Variants in CTNNA2 observed in about 807,000 individuals in gnomAD.
The protein encoded by CTNNA2 is catenin alpha-2.
In CTNNA2, 42 loss-of-function variants were observed where a neutral mutation model predicts 101.0. The ratio of observed to expected loss-of-function variants is 0.42; its 90% CI spans 0.32 to 0.54. CTNNA2 has a LOEUF of 0.54. Among genes scored for constraint, CTNNA2 ranks in the 20% least tolerant of loss-of-function variants. The probability of loss-of-function intolerance (pLI) is 0.14; values close to 1 mark genes in which losing one functional copy is unlikely to be tolerated. For synonymous variants in CTNNA2, 450 were observed against 456.4 expected (o/e 0.99, Z 0.18); for missense variants, 871 against 1,223.1 (o/e 0.71, Z 4.29).
At chr2:80,398,819 A>G (rs531158967) in intron 8 of CTNNA2, among the ~76,000 whole-genome samples, 1 of 149,446 alleles carries the variant, frequency 6.7e-6, no homozygotes, top group African/African-American at 2.4e-5. Flanking sequence ...GTGAGTTGAG[A>G]TCACACCCCT....
intron 7 of CTNNA2, among the ~76,000 whole-genome samples, chr2:80,380,028 C>CA (rs1676349144): frequency 2.3e-5 from 2 of 86,524 alleles, no homozygotes; most frequent in African/African-American, 5.8e-5. Context: ...TCGAGATGTA[C>CA]TTTTTTTTTT....
At chr2:79,969,496 TAAAG>T (rs577460971) in intron 7 of CTNNA2, among the ~76,000 whole-genome samples, 90 of 152,308 alleles carry the variant, frequency 5.9e-4, no homozygotes, top group Non-Finnish European at 1.1e-3. Flanking sequence ...AGGTCAGAAA[TAAAG>T]AAATTACAGG....
chr2:80,117,925 C>G (rs1701616468), intron 7 of CTNNA2, among the ~76,000 whole-genome samples: 1 of 152,086 alleles, frequency 6.6e-6, no homozygotes, highest in African/African-American at 2.4e-5. Flanking sequence ...TAACAATAAC[C>G]TTATGAGGTG....
intron 7 of CTNNA2, among the ~76,000 whole-genome samples, chr2:80,217,451 A>G (rs1459570793): frequency 1.3e-5 from 2 of 152,074 alleles, no homozygotes; most frequent in Non-Finnish European, 2.9e-5. Flanking sequence ...TGTTACCTTT[A>G]AAATGGGCCT....
At chr2:79,682,864 C>A (rs1683677124) in intron 2 of CTNNA2, among the ~76,000 whole-genome samples, 1 of 152,030 alleles carries the variant, frequency 6.6e-6, no homozygotes, top group Middle Eastern at 3.2e-3. Flanking sequence ...AATAAAAAAC[C>A]AAGTTGTGGG....
chr2:79,504,321 G>T (rs1050861935), intron 4 of CTNNA2, among the ~76,000 whole-genome samples: 1 of 151,542 alleles, frequency 6.6e-6, no homozygotes, highest in Admixed American at 6.6e-5. Context: ...ACGGAATCTT[G>T]CTCTGTCACC....
At chr2:80,015,250 C>T (rs1055334443) in intron 7 of CTNNA2, among the ~76,000 whole-genome samples, 3 of 152,096 alleles carry the variant, frequency 2.0e-5, no homozygotes, top group African/African-American at 7.2e-5. Flanking sequence ...TATCCCTTTT[C>T]CCCCCTTCTT....
At chr2:80,631,993 T>C (rs1672346341) in intron 18 of CTNNA2, among the ~76,000 whole-genome samples, 1 of 152,022 alleles carries the variant, frequency 6.6e-6, no homozygotes, top group Admixed American at 6.6e-5. Flanking sequence ...TATTAACCAA[T>C]AGAGAAGTAC....
At chr2:79,271,029 A>G (rs1474034423) in intron 2 of CTNNA2, among the ~76,000 whole-genome samples, 5 of 152,142 alleles carry the variant, frequency 3.3e-5, no homozygotes, top group African/African-American at 7.2e-5. Context: ...ATAAGTCTGT[A>G]TAGTCTGACT....
At chr2:80,182,223 G>T (rs1309873756) in intron 7 of CTNNA2, among the ~76,000 whole-genome samples, 1 of 152,150 alleles carries the variant, frequency 6.6e-6, no homozygotes, top group Non-Finnish European at 1.5e-5. Flanking sequence ...TAAACCACTG[G>T]TTTAGGTGCA....
chr2:80,162,734 T>C (rs1704408445), intron 7 of CTNNA2: 8 of 1,609,796 alleles, frequency 5.0e-6, no homozygotes, highest in Non-Finnish European at 6.8e-6. Context: ...GAACTGATGG[T>C]GAAAATCCTG....
At chr2:79,696,488 G>T (rs1034693214) in intron 2 of CTNNA2, among the ~76,000 whole-genome samples, 4 of 152,016 alleles carry the variant, frequency 2.6e-5, no homozygotes, top group African/African-American at 9.7e-5. Context: ...TTTACGGTTG[G>T]CATGGATGAA....
Position 79,412,162 on chromosome 2 carries a change from T to C in CTNNA2, c.-135+38149T>C, listed in dbSNP as rs577216476. ...AGAGACAAAGAAGGCCATTACAGAA[T>C]GGTAAAGGGATGAATTCAACAAGAA... On this transcript the variant is annotated intron_variant, in intron 4 of 21. Coordinates refer to the CTNNA2 transcript ENST00000466387. Among the ~76,000 whole-genome samples, 251 of 152,142 alleles carry C rather than the reference T, an allele frequency of 1.6e-3. 11 individuals are homozygous for C. In the South Asian group the frequency reaches 0.05, roughly 30 times the overall value.
intron 9 of CTNNA2, among the ~76,000 whole-genome samples, chr2:80,524,563 A>G (rs1314631181): frequency 6.6e-6 from 1 of 152,138 alleles, no homozygotes; most frequent in Admixed American, 6.6e-5. Flanking sequence ...CCCCTCTTGC[A>G]GACTAGTCAC....
intron 7 of CTNNA2, among the ~76,000 whole-genome samples, chr2:80,263,082 G>A (rs1414048661): frequency 6.6e-6 from 1 of 152,096 alleles, no homozygotes; most frequent in African/African-American, 2.4e-5. Flanking sequence ...TATGTGATGG[G>A]GCATGGGGGG....
At chr2:80,229,264 C>G (rs1050335779) in intron 7 of CTNNA2, among the ~76,000 whole-genome samples, 1 of 152,172 alleles carries the variant, frequency 6.6e-6, no homozygotes, top group Non-Finnish European at 1.5e-5. Context: ...CTGGTGCTAG[C>G]TAACTGGTGA....
chr2:80,166,276 T>C lies in CTNNA2; in HGVS notation c.1057-226935T>C, dbSNP rs558953932. On this transcript the variant is annotated intron_variant, in intron 7 of 18. Transcript: ENST00000402739. Reference sequence around the variant, plus strand: ...TATTGTCAAGGAAAGAGTTTTATGATTAAAGGGTTGGAACTTTCACCCCCA... The same window carrying C: ...TATTGTCAAGGAAAGAGTTTTATGACTAAAGGGTTGGAACTTTCACCCCCA... 3.3e-5 allele frequency among the ~76,000 whole-genome samples: 5 copies of C among 152,236 alleles called. No individual in the cohort carries two copies. The East Asian group carries it at 9.7e-4, about 29-fold the overall frequency.
intron 2 of CTNNA2, among the ~76,000 whole-genome samples, chr2:79,695,473 A>G (rs1293631182): frequency 6.6e-6 from 1 of 151,976 alleles, no homozygotes; most frequent in Non-Finnish European, 1.5e-5. Context: ...TCAATAAACT[A>G]TAGGAGCAGT....
At chr2:80,296,298 C>T (rs2149191663) in intron 7 of CTNNA2, among the ~76,000 whole-genome samples, 1 of 152,298 alleles carries the variant, frequency 6.6e-6, no homozygotes, top group Non-Finnish European at 1.5e-5. Context: ...TTTGTTCAGA[C>T]TGCAGAACCC....
Sources: allele counts gnomAD v4.1 joint callset (sites outside exome capture counted in the v4.1 genomes callset), GRCh38; gene constraint gnomAD v4.1.1; transcripts MANE v1.5; gene names NCBI Gene and HGNC (gene_info 2026-07-23, HGNC 2026-07-21).